Variants in IL1RAPL1 observed in about 807,000 individuals in gnomAD.
IL1RAPL1 encodes the protein interleukin 1 receptor accessory protein like 1, also known as interleukin-1 receptor accessory protein-like 1.
IL1RAPL1 carries 3 observed loss-of-function variants against 48.4 expected under a neutral mutation model. The ratio of observed to expected loss-of-function variants is 0.06; its 90% CI spans 0.03 to 0.16. The LOEUF is 0.16. Ranked by LOEUF, IL1RAPL1 falls within the 10% of genes least tolerant of loss-of-function variation. The pLI is 1.00. For missense variants in IL1RAPL1, 349 were observed against 530.6 expected (o/e 0.66, Z 3.36); for synonymous variants, 185 against 187.7 (o/e 0.99, Z 0.12).
intron 5 of IL1RAPL1, among the ~76,000 whole-genome samples, chrX:29,523,097 T>G (rs2147773816): frequency 8.9e-6 from 1 of 111,921 alleles, no homozygotes; most frequent in African/African-American, 3.2e-5. Context: ...TTATCCTACT[T>G]TTGTCTTAAG....
intron 2 of IL1RAPL1, among the ~76,000 whole-genome samples, chrX:29,024,843 A>G (rs1488914547): frequency 8.9e-6 from 1 of 111,833 alleles, no homozygotes; most frequent in Non-Finnish European, 1.9e-5. Flanking sequence ...TTTAAAATGT[A>G]TAATTCAAAG....
intron 5 of IL1RAPL1, among the ~76,000 whole-genome samples, chrX:29,491,754 C>T (rs780204393): frequency 1.8e-5 from 2 of 111,037 alleles, no homozygotes; most frequent in African/African-American, 6.6e-5. Flanking sequence ...ATCGCCCAGG[C>T]GTTTCAGTTG....
chrX:28,633,505 G>A (rs1300619445), intron 1 of IL1RAPL1, among the ~76,000 whole-genome samples: 2 of 112,082 alleles, frequency 1.8e-5, no homozygotes, highest in African/African-American at 6.5e-5. Context: ...ATGGCATACA[G>A]ATGGATTTCA....
intron 6 of IL1RAPL1, among the ~76,000 whole-genome samples, chrX:29,730,490 C>CA (rs1927887477): frequency 9.0e-6 from 1 of 111,220 alleles, no homozygotes; most frequent in Admixed American, 9.6e-5. Flanking sequence ...TGGCCCCTTC[C>CA]AAAAAAAATA....
intron 2 of IL1RAPL1, among the ~76,000 whole-genome samples, chrX:28,955,519 C>A (rs1488929171): frequency 9.1e-6 from 1 of 109,800 alleles, no homozygotes; most frequent in Non-Finnish European, 1.9e-5. Flanking sequence ...TTTCCCAGCA[C>A]CATTTATTAA....
intron 2 of IL1RAPL1, among the ~76,000 whole-genome samples, chrX:28,836,336 T>TTATATATATATATATA (rs34343530): frequency 1.2e-5 from 1 of 85,331 alleles, no homozygotes; most frequent in African/African-American, 4.7e-5. Flanking sequence ...CTTCCCAATT[T>TTATATATATATATATA]TATATATATA....
chrX:29,613,866 C>T (rs1398262744), intron 5 of IL1RAPL1, among the ~76,000 whole-genome samples: 21 of 105,230 alleles, frequency 2.0e-4, no homozygotes, highest in African/African-American at 6.3e-4. Flanking sequence ...TGGGTTCGCA[C>T]CATTCTCCTG....
intron 5 of IL1RAPL1, among the ~76,000 whole-genome samples, chrX:29,562,111 ATCTAATCT>A (rs1437070422): frequency 0.017 from 1,000 of 60,319 alleles, 5 homozygotes; most frequent in Middle Eastern, 0.026. Flanking sequence ...CTATCTATCT[ATCTAATCT>A]ATCTATCTAT....
intron 5 of IL1RAPL1, among the ~76,000 whole-genome samples, chrX:29,451,096 ACTCT>A (rs1292007059): frequency 1.0e-5 from 1 of 98,203 alleles, no homozygotes; most frequent in Non-Finnish European, 2.1e-5. Flanking sequence ...AAAATGGTTG[ACTCT>A]CTCTATACCT....
At chrX:29,195,250 C>G (rs1445455684) in intron 2 of IL1RAPL1, among the ~76,000 whole-genome samples, 1 of 111,475 alleles carries the variant, frequency 9.0e-6, no homozygotes, top group Non-Finnish European at 1.9e-5. Flanking sequence ...TGACGTCAGT[C>G]CTAAACTGTG....
rs148961030 is a variant in IL1RAPL1, at chrX:29,701,870, A to G, written c.778+33366A>G. 3.1e-3 allele frequency among the ~76,000 whole-genome samples: 349 copies of G among 111,905 alleles called. 1 individual carries two copies. The highest frequency in any genetic ancestry group is 4.8e-3 in the Non-Finnish European group (254 of 53,163). On this transcript the variant is annotated intron_variant, in intron 6 of 10. Transcript: ENST00000378993. Reference sequence around the variant, plus strand: ...CCACAAAATGATATCCCTGAGGGCTAGAGGAAGGCAAGAGGAGTAAAAGAA... The same window carrying G: ...CCACAAAATGATATCCCTGAGGGCTGGAGGAAGGCAAGAGGAGTAAAAGAA...
chrX:29,559,861 A>T (rs1922131053), intron 5 of IL1RAPL1, among the ~76,000 whole-genome samples: 1 of 111,583 alleles, frequency 9.0e-6, no homozygotes, highest in Non-Finnish European at 1.9e-5. Flanking sequence ...ATTCATTAAG[A>T]AATTATTAAG....
chrX:29,519,055 C>T (rs770957440), intron 5 of IL1RAPL1, among the ~76,000 whole-genome samples: 2 of 111,265 alleles, frequency 1.8e-5, no homozygotes, highest in Non-Finnish European at 3.8e-5. Flanking sequence ...AGAAAGGAGT[C>T]AAGGATGACT....
At chrX:28,772,987 TCTGA>T (rs1936325397) in intron 1 of IL1RAPL1, among the ~76,000 whole-genome samples, 1 of 111,770 alleles carries the variant, frequency 8.9e-6, no homozygotes, top group Admixed American at 9.5e-5. Flanking sequence ...ATATTACCTT[TCTGA>T]CTTAGTCTTT....
chrX:28,997,358 A>C (rs1354231589), intron 2 of IL1RAPL1, among the ~76,000 whole-genome samples: 1 of 111,862 alleles, frequency 8.9e-6, no homozygotes, highest in Non-Finnish European at 1.9e-5. Flanking sequence ...TATGCTTATT[A>C]GTAAGATAAC....
At chrX:29,103,515 C>T (rs1320600409) in intron 2 of IL1RAPL1, among the ~76,000 whole-genome samples, 1 of 107,142 alleles carries the variant, frequency 9.3e-6, no homozygotes, top group East Asian at 2.8e-4. Flanking sequence ...AACTATGAAA[C>T]TACCAGAAGA....
intron 2 of IL1RAPL1, among the ~76,000 whole-genome samples, chrX:29,129,587 A>C (rs1265048267): frequency 7.1e-5 from 4 of 56,651 alleles, no homozygotes; most frequent in Non-Finnish European, 1.3e-4. Flanking sequence ...AAATAATGTA[A>C]ATTTTTTTTT....
In IL1RAPL1 at chrX:29,566,228, C is replaced by T. The variant is rs913396132; in HGVS notation, c.704-102202C>T. On this transcript the variant is annotated intron_variant, in intron 5 of 10. Coordinates refer to ENST00000378993, the MANE Select transcript of IL1RAPL1 (RefSeq NM_014271.4). ...TGCTGGGATTACAGGTGCGAGCCAC[C>T]GCGCCCGGCCCATGTGGGGAAATTT... Among the ~76,000 whole-genome samples, 13 of 111,435 alleles carry T rather than the reference C, an allele frequency of 1.2e-4. 1 individual carries two copies. Among genetic ancestry groups the T allele is most frequent in the South Asian group, 3.7e-4 (1 of 2,708 alleles).
At chrX:29,776,064 C>G (rs1170807786) in intron 6 of IL1RAPL1, among the ~76,000 whole-genome samples, 1 of 111,742 alleles carries the variant, frequency 8.9e-6, no homozygotes, top group Non-Finnish European at 1.9e-5. Context: ...TATTGCTGAA[C>G]TCACAGCTTT....
Sources: gnomAD v4.1 joint callset for allele counts (sites outside exome capture counted in the v4.1 genomes callset) on GRCh38, gnomAD v4.1.1 for gene constraint, MANE v1.5 for transcripts, NCBI Gene and HGNC (gene_info 2026-07-23, HGNC 2026-07-21) for gene names.